Variants in CLVS1 observed in about 807,000 individuals in gnomAD.
CLVS1 encodes the protein clavesin 1, also known as clavesin-1.
Under a neutral mutation model 33.1 loss-of-function variants are expected in CLVS1, and 10 were observed. The observed-to-expected ratio is 0.30, with a 90% confidence interval of 0.19 to 0.51. The LOEUF (loss-of-function observed/expected upper bound fraction) is 0.51, where lower values mean the gene tolerates loss of function less well. Ranked by LOEUF, CLVS1 falls within the 20% of genes least tolerant of loss-of-function variation. The pLI, the probability that CLVS1 is intolerant of heterozygous loss-of-function variation, is 0.97. For synonymous variants in CLVS1, 163 were observed against 166.1 expected (o/e 0.98, Z 0.14); for missense variants, 343 against 433.4 (o/e 0.79, Z 1.85).
chr8:61,107,304 A>AAC (rs1805555002), intron 1 of CLVS1, among the ~76,000 whole-genome samples: 1 of 152,180 alleles, frequency 6.6e-6, no homozygotes, highest in African/African-American at 2.4e-5. Context: ...GTTGGTTTGG[A>AAC]CTGCTGTAAC....
At chr8:61,279,471 T>C (rs1006898357) in intron 2 of CLVS1, among the ~76,000 whole-genome samples, 3 of 152,318 alleles carry the variant, frequency 2.0e-5, no homozygotes, top group Admixed American at 1.3e-4. Context: ...TTGTAGTAGC[T>C]AAAAAGACCT....
Position 61,299,691 on chromosome 8 carries a change from A to C in CLVS1, c.-137A>C. ...TTGTTTTTCAGTAAGCAATGGCCTC[A>C]GTTTTGCTTCTGTTTTGGATGAACA... On this transcript the variant is annotated 5_prime_UTR_variant, in exon 2 of 6. Transcript: ENST00000325897. 1.6e-6 allele frequency: 1 copy of C among 613,534 alleles called. No individual in the cohort carries two copies. Among genetic ancestry groups the C allele is most frequent in the South Asian group, 2.1e-5 (1 of 47,590 alleles). The allele number at this position is 613,534 out of a possible 1,614,324, so 38.0% of individuals were successfully genotyped here.
Position 61,058,309 on chromosome 8 carries a change from T to C in CLVS1, c.-243+1079T>C, listed in dbSNP as rs539341665. Reference sequence around the variant, plus strand: ...TGGATCAAGACCAGAGATGGAGACGTGGCTGGTGTTTCAGAGGCACAGGAG... The same window carrying C: ...TGGATCAAGACCAGAGATGGAGACGCGGCTGGTGTTTCAGAGGCACAGGAG... On this transcript the variant is annotated intron_variant, in intron 1 of 2. Transcript: ENST00000522621. Among the ~76,000 whole-genome samples the C allele has an allele frequency of 2.0e-5, 3 of 152,306 alleles. No homozygotes were observed. The South Asian group carries it at 6.2e-4, about 32-fold the overall frequency.
intron 4 of CLVS1, among the ~76,000 whole-genome samples, chr8:61,455,110 C>A (rs986466046): frequency 6.6e-6 from 1 of 151,442 alleles, no homozygotes; most frequent in South Asian, 2.1e-4. Flanking sequence ...TTTTTATATA[C>A]CTATGCATTG....
chr8:61,033,462 G>C, the CLVS1 span, among the ~76,000 whole-genome samples: 27 of 72,506 alleles, frequency 3.7e-4, no homozygotes, highest in East Asian at 1.4e-3. Flanking sequence ...AAGTCACAGG[G>C]CTGGGGAGGA....
At chr8:61,229,281 A>G (rs1808387109) in intron 2 of CLVS1, among the ~76,000 whole-genome samples, 1 of 152,212 alleles carries the variant, frequency 6.6e-6, no homozygotes, top group South Asian at 2.1e-4. Flanking sequence ...CAGTAGAAAT[A>G]GAGAACAAAA....
At chr8:61,355,580 A>G (rs1377918355) in intron 2 of CLVS1, among the ~76,000 whole-genome samples, 2 of 151,902 alleles carry the variant, frequency 1.3e-5, no homozygotes, top group Non-Finnish European at 2.9e-5. Context: ...CCACCCCACA[A>G]CAGTCCCCAG....
chr8:61,478,568 G>T (rs1288192388), intron 5 of CLVS1, among the ~76,000 whole-genome samples: 16 of 152,174 alleles, frequency 1.1e-4, no homozygotes, highest in Admixed American at 1.0e-3. Flanking sequence ...TTACCATTAT[G>T]TAATGGCCTT....
chr8:61,411,735 C>A (rs1815233220), intron 3 of CLVS1, among the ~76,000 whole-genome samples: 1 of 152,182 alleles, frequency 6.6e-6, no homozygotes, highest in East Asian at 1.9e-4. Flanking sequence ...CATCCTGAGG[C>A]CTCCCATGGT....
At chr8:61,448,469 C>T (rs368077221) in intron 3 of CLVS1, among the ~76,000 whole-genome samples, 63 of 152,098 alleles carry the variant, frequency 4.1e-4, no homozygotes, top group African/African-American at 1.4e-3. Flanking sequence ...TAAGTAATTC[C>T]TATTTTTTTC....
the CLVS1 span, among the ~76,000 whole-genome samples, chr8:61,017,061 A>C: frequency 3.3e-3 from 500 of 152,334 alleles, 4 homozygotes; most frequent in African/African-American, 0.011. Context: ...ACCACACAGC[A>C]AGCACCTGCT....
At chr8:61,048,639 A>G in the CLVS1 span, among the ~76,000 whole-genome samples, 1 of 152,108 alleles carries the variant, frequency 6.6e-6, no homozygotes, top group Non-Finnish European at 1.5e-5. Context: ...TGACCAACTG[A>G]TATAGAGGTA....
At chr8:61,247,742 ACTGT>A (rs1435650319) in intron 2 of CLVS1, among the ~76,000 whole-genome samples, 1 of 151,360 alleles carries the variant, frequency 6.6e-6, no homozygotes, top group Non-Finnish European at 1.5e-5. Flanking sequence ...CATTCTGTAG[ACTGT>A]CTGTTGATAG....
At chr8:61,402,881 T>C (rs925411745) in intron 3 of CLVS1, among the ~76,000 whole-genome samples, 1 of 152,186 alleles carries the variant, frequency 6.6e-6, no homozygotes, top group Non-Finnish European at 1.5e-5. Flanking sequence ...AAGGATACAT[T>C]GTGCATACAT....
chr8:61,026,342 T>G, the CLVS1 span, among the ~76,000 whole-genome samples: 12 of 152,342 alleles, frequency 7.9e-5, no homozygotes, highest in African/African-American at 2.6e-4. Flanking sequence ...CACCTTGATT[T>G]TGGACTTCCA....
chr8:60,975,354 C>G, the CLVS1 span, among the ~76,000 whole-genome samples: 2 of 152,124 alleles, frequency 1.3e-5, no homozygotes, highest in Non-Finnish European at 1.5e-5. Flanking sequence ...TTTTTAAAAA[C>G]TAGGGTTTTG....
intron 1 of CLVS1, among the ~76,000 whole-genome samples, chr8:61,058,106 C>A (rs569094930): frequency 6.6e-6 from 1 of 152,334 alleles, no homozygotes; most frequent in East Asian, 1.9e-4. Context: ...AAAGCGTCGA[C>A]CTAGCTAGAA....
chr8:61,440,068 C>G (rs1388654128), intron 3 of CLVS1, among the ~76,000 whole-genome samples: 2 of 152,204 alleles, frequency 1.3e-5, no homozygotes, highest in African/African-American at 2.4e-5. Context: ...AATCTAAACT[C>G]TGCATCTTCT....
At chr8:61,077,594 G>A (rs1804944697) in intron 1 of CLVS1, among the ~76,000 whole-genome samples, 1 of 151,936 alleles carries the variant, frequency 6.6e-6, no homozygotes, top group Non-Finnish European at 1.5e-5. Context: ...TCTTGCCTCA[G>A]CCTCCCAAGT....
Sources: allele counts gnomAD v4.1 joint callset (sites outside exome capture counted in the v4.1 genomes callset), GRCh38; gene constraint gnomAD v4.1.1; transcripts MANE v1.5; gene names NCBI Gene and HGNC (gene_info 2026-07-23, HGNC 2026-07-21).